TACR3: variants seen among roughly 807,000 people sequenced by gnomAD.
The protein encoded by TACR3 is tachykinin receptor 3.
TACR3 carries 34 observed loss-of-function variants against 35.0 expected under a neutral mutation model. The observed-to-expected ratio is 0.97, with a 90% CI of 0.74 to 1.30. The LOEUF is 1.30. TACR3 is among the 50% of genes most tolerant of loss of function. The pLI is 0.00. For missense variants in TACR3, 558 were observed against 591.7 expected (o/e 0.94, Z 0.59); for synonymous variants, 233 against 221.1 (o/e 1.05, Z -0.48).
intron 3 of TACR3, among the ~76,000 whole-genome samples, chr4:103,626,690 T>C (rs1232349307): frequency 6.6e-6 from 1 of 152,170 alleles, no homozygotes; most frequent in African/African-American, 2.4e-5. Flanking sequence ...TTTTCTCCGG[T>C]ATGAAAGAAA....
chr4:103,708,735 C>T (rs184589989), intron 1 of TACR3, among the ~76,000 whole-genome samples: 4 of 152,192 alleles, frequency 2.6e-5, no homozygotes, highest in Non-Finnish European at 2.9e-5. Flanking sequence ...TTGAACCCAT[C>T]GCAAAGAAGC....
At chr4:103,651,639 A>G (rs1725620091) in intron 3 of TACR3, among the ~76,000 whole-genome samples, 1 of 151,474 alleles carries the variant, frequency 6.6e-6, no homozygotes, top group Admixed American at 6.6e-5. Flanking sequence ...CTTTTCCCTT[A>G]GCTTTTCTCA....
intron 3 of TACR3, among the ~76,000 whole-genome samples, chr4:103,650,523 T>C (rs959070251): frequency 5.4e-5 from 7 of 129,328 alleles, no homozygotes; most frequent in Non-Finnish European, 7.9e-5. Context: ...TATAAATATG[T>C]ATTATTTATA....
intron 1 of TACR3, among the ~76,000 whole-genome samples, chr4:103,674,696 C>T (rs1208881529): frequency 2.0e-5 from 3 of 152,264 alleles, no homozygotes; most frequent in Non-Finnish European, 4.4e-5. Flanking sequence ...AGACTGCAGG[C>T]GCACACCTCC....
At chr4:103,616,316 GTGTT>G (rs1189763566) in intron 3 of TACR3, among the ~76,000 whole-genome samples, 18 of 151,910 alleles carry the variant, frequency 1.2e-4, no homozygotes, top group Admixed American at 7.2e-4. Flanking sequence ...GTGTGTGTGT[GTGTT>G]TGTGTATCAC....
intron 3 of TACR3, among the ~76,000 whole-genome samples, chr4:103,602,388 C>T (rs1370485313): frequency 2.0e-5 from 3 of 152,196 alleles, no homozygotes; most frequent in Admixed American, 2.0e-4. Context: ...CTCAACTCCT[C>T]TAAGTCATTC....
chr4:103,653,035 T>A (rs1725656354), intron 3 of TACR3, among the ~76,000 whole-genome samples: 1 of 152,260 alleles, frequency 6.6e-6, no homozygotes, highest in Non-Finnish European at 1.5e-5. Context: ...TAGATATCAA[T>A]GCTCATACCA....
chr4:103,630,611 C>A (rs1725035702), intron 3 of TACR3, among the ~76,000 whole-genome samples: 1 of 152,138 alleles, frequency 6.6e-6, no homozygotes, highest in Non-Finnish European at 1.5e-5. Context: ...CAGAGAAATG[C>A]AAATCACAAC....
At chr4:103,600,260 C>T (rs1033841068) in intron 3 of TACR3, among the ~76,000 whole-genome samples, 2 of 152,082 alleles carry the variant, frequency 1.3e-5, no homozygotes, top group African/African-American at 2.4e-5. Context: ...TTTATAGTAT[C>T]CTCTGATGGT....
At chr4:103,692,507 A>G (rs762228402) in intron 1 of TACR3, among the ~76,000 whole-genome samples, 1 of 152,188 alleles carries the variant, frequency 6.6e-6, no homozygotes, top group Non-Finnish European at 1.5e-5. Flanking sequence ...AGGCAAAACA[A>G]CAATAATAAT....
At chr4:103,594,873 G>T (rs2110285173) in intron 3 of TACR3, among the ~76,000 whole-genome samples, 1 of 152,034 alleles carries the variant, frequency 6.6e-6, no homozygotes, top group South Asian at 2.1e-4. Flanking sequence ...GTTTATAAGT[G>T]AAACAGCTGC....
intron 3 of TACR3, among the ~76,000 whole-genome samples, chr4:103,615,410 A>T (rs71621654): frequency 0.21 from 30,864 of 145,928 alleles, 3,390 homozygotes; most frequent in Middle Eastern, 0.31. Flanking sequence ...AGAGAGAGAG[A>T]GAGAGAGAGA....
Position 103,590,852 on chromosome 4 carries a change from C to T in TACR3, c.1085+635G>A, listed in dbSNP as rs75107746. 4.8e-3 allele frequency among the ~76,000 whole-genome samples: 735 copies of T among 152,182 alleles called. 10 individuals carry two copies. The highest frequency in any genetic ancestry group is 0.017 in the African/African-American group (702 of 41,516). ...ATTTTATCTTTTTTTTCTAGTCTTACATTTGACTACAAATATTCTCACTTT... is the reference window on the plus strand; with the variant it reads ...ATTTTATCTTTTTTTTCTAGTCTTATATTTGACTACAAATATTCTCACTTT... On this transcript the variant is annotated intron_variant, in intron 4 of 4. Coordinates refer to ENST00000304883, the MANE Select transcript of TACR3 (RefSeq NM_001059.3).
At chr4:103,608,067 T>C (rs1301857836) in intron 3 of TACR3, among the ~76,000 whole-genome samples, 2 of 152,064 alleles carry the variant, frequency 1.3e-5, no homozygotes, top group Non-Finnish European at 2.9e-5. Context: ...GATACATACC[T>C]AAAAGAAAAT....
At chr4:103,678,283 T>C (rs149697108) in intron 1 of TACR3, among the ~76,000 whole-genome samples, 64 of 152,274 alleles carry the variant, frequency 4.2e-4, no homozygotes, top group Non-Finnish European at 7.5e-4. Context: ...TAGTAGCTTG[T>C]GGCAGTGCCA....
chr4:103,685,398 C>A (rs1382150998), intron 1 of TACR3, among the ~76,000 whole-genome samples: 1 of 151,996 alleles, frequency 6.6e-6, no homozygotes, highest in African/African-American at 2.4e-5. Context: ...AACATTAAAA[C>A]AACAAAATAT....
intron 3 of TACR3, among the ~76,000 whole-genome samples, chr4:103,645,087 CT>C (rs945903704): frequency 6.6e-6 from 1 of 151,768 alleles, no homozygotes; most frequent in Non-Finnish European, 1.5e-5. Flanking sequence ...AAGTTCCAGT[CT>C]TTTCACAAAG....
At chr4:103,614,110 ATAAAT>A (rs1245017489) in intron 3 of TACR3, among the ~76,000 whole-genome samples, 1 of 152,188 alleles carries the variant, frequency 6.6e-6, no homozygotes, top group Non-Finnish European at 1.5e-5. Context: ...CTTAGCAAAA[ATAAAT>A]TTAAGATATA....
rs547071025 is a variant in TACR3, at chr4:103,700,965, A to G, written c.548+18163T>C. Among the ~76,000 whole-genome samples, 6 of 152,334 alleles carry G rather than the reference A, an allele frequency of 3.9e-5. No homozygotes were observed. The East Asian group carries it at 1.2e-3, about 29-fold the overall frequency. The stretch of plus-strand genomic sequence containing the variant: ...TCATACTGAATGGGCAAAAACTGGA[A>G]GCATTCCCTTTGAAAACTGGCACAA... On this transcript the variant is annotated intron_variant, in intron 1 of 4. Transcript: ENST00000304883.
Sources: allele counts gnomAD v4.1 joint callset (sites outside exome capture counted in the v4.1 genomes callset), GRCh38; gene constraint gnomAD v4.1.1; transcripts MANE v1.5; gene names NCBI Gene and HGNC (gene_info 2026-07-23, HGNC 2026-07-21).